ANK1: variants seen among roughly 807,000 people sequenced by gnomAD.
The protein encoded by ANK1 is ankyrin-1.
A neutral mutation model predicts 210.4 loss-of-function variants in ANK1; 51 were observed. That is an observed-to-expected ratio of 0.24 (90% CI 0.19 to 0.31). The LOEUF is 0.31. Ranked by LOEUF, ANK1 falls within the 10% of genes least tolerant of loss-of-function variation. ANK1 has a pLI of 1.00. For missense variants in ANK1, 2,051 were observed against 2,504.4 expected (o/e 0.82, Z 3.86); for synonymous variants, 967 against 1,025.9 (o/e 0.94, Z 1.10).
At chr8:41,800,377 C>T (rs1849673229), upstream of ANK1, among the ~76,000 whole-genome samples, 1 of 152,202 alleles carries the variant, frequency 6.6e-6, no homozygotes, top group African/African-American at 2.4e-5. Flanking sequence ...CTTAAGAAGA[C>T]ACGGTGCCAG....
intron 1 of ANK1, among the ~76,000 whole-genome samples, chr8:41,858,548 C>T (rs542821793): frequency 6.6e-6 from 1 of 152,288 alleles, no homozygotes; most frequent in Admixed American, 6.5e-5. Flanking sequence ...CGGGTGCAAA[C>T]AGTCAGTGCC....
chr8:41,738,376 A>C (rs1437489028), intron 2 of ANK1, among the ~76,000 whole-genome samples: 1 of 152,176 alleles, frequency 6.6e-6, no homozygotes, highest in African/African-American at 2.4e-5. Flanking sequence ...TACCTACCTA[A>C]GGGGTGGTGA....
chr8:41,718,077 C>T, intron 11 of ANK1, 29 bp downstream of exon 11: 13 of 1,607,506 alleles, frequency 8.1e-6, no homozygotes, highest in Non-Finnish European at 9.4e-6. Context: ...CACAGGCCTG[C>T]CCCCAGGCTC....
intron 10 of ANK1, among the ~76,000 whole-genome samples, chr8:41,718,731 TG>T (rs1276010737): frequency 1.3e-5 from 2 of 152,060 alleles, no homozygotes; most frequent in Non-Finnish European, 2.9e-5. Context: ...GAGGTGGTGG[TG>T]GGGGGGTATC....
intron 1 of ANK1, among the ~76,000 whole-genome samples, chr8:41,861,312 G>C (rs1407819056): frequency 1.3e-5 from 2 of 152,182 alleles, no homozygotes; most frequent in African/African-American, 4.8e-5. Flanking sequence ...GTGTTCTGTG[G>C]AAACGAGTTC....
chr8:41,798,035 TTTTTG>T (rs1296468597), upstream of ANK1, among the ~76,000 whole-genome samples: 3 of 151,738 alleles, frequency 2.0e-5, no homozygotes, highest in African/African-American at 4.8e-5. Context: ...CCTTTCCTGG[TTTTTG>T]TTTTGTTTTG....
At position 41,727,237 on chromosome 8, in the gene ANK1, C is replaced by T. The variant is rs777013343; in HGVS notation, c.426+13G>A. ...GACTTCTGGTGGTGACGACATTTTT[C>T]CAAGGTACTTACTTCTGTGGCTACA... On this transcript the variant is annotated intron_variant, in intron 5 of 42. Transcript: ENST00000289734. The T allele has an allele frequency of 1.9e-6, 3 of 1,610,030 alleles. No individual in the cohort carries two copies. The highest frequency in any genetic ancestry group is 2.6e-6 in the Non-Finnish European group (3 of 1,176,268).
At chr8:41,703,452 T>TATATATA (rs57245303) in intron 20 of ANK1, among the ~76,000 whole-genome samples, 8 of 28,760 alleles carry the variant, frequency 2.8e-4, no homozygotes, top group East Asian at 7.2e-4. Context: ...ATATATATAT[T>TATATATA]TTTTTTTTTT....
At chr8:41,785,892 G>T (rs1846255201) in intron 1 of ANK1, among the ~76,000 whole-genome samples, 1 of 152,136 alleles carries the variant, frequency 6.6e-6, no homozygotes, top group South Asian at 2.1e-4. Context: ...CCGAGGGTCC[G>T]AGCTGACCTC....
chr8:41,737,804 T>C (rs1833804250), intron 2 of ANK1, among the ~76,000 whole-genome samples: 1 of 152,152 alleles, frequency 6.6e-6, no homozygotes, highest in South Asian at 2.1e-4. Context: ...ATGCAATGCC[T>C]GTAAAAAACA....
chr8:41,780,301 T>C (rs1441985554), intron 1 of ANK1, among the ~76,000 whole-genome samples: 2 of 152,234 alleles, frequency 1.3e-5, no homozygotes, highest in African/African-American at 4.8e-5. Flanking sequence ...CTAGGATTAC[T>C]GGCACAAGAC....
chr8:41,726,023 C>G, intron 5 of ANK1, 77 bp from the exon 6 acceptor site: 1 of 1,523,048 alleles, frequency 6.6e-7, no homozygotes, highest in Admixed American at 1.8e-5. Flanking sequence ...ACCCTTGCCC[C>G]TCGGGCTTAT....
intron 1 of ANK1, chr8:41,828,129 G>C (rs1805839236): frequency 6.6e-6 from 1 of 152,252 alleles, no homozygotes; most frequent in Non-Finnish European, 1.5e-5. Context: ...CTGGGCACCA[G>C]GTTGGAATCA....
rs140960106 is a variant in ANK1 at position 41,802,870 on chromosome 8, G to A, written c.127-44733C>T. On this transcript the variant is annotated intron_variant, in intron 1 of 42. Coordinates refer to the ANK1 transcript ENST00000265709. ...TGAGGCCGCAGTGAGCGATGATCATGCCACGGCACTCCAGCCTGGGTAATG... is the reference window on the plus strand; with the variant it reads ...TGAGGCCGCAGTGAGCGATGATCATACCACGGCACTCCAGCCTGGGTAATG... Among the ~76,000 whole-genome samples the A allele has an allele frequency of 3.0e-4, 42 of 138,128 alleles. No homozygotes were observed. The East Asian group carries it at 9.2e-3, about 30-fold the overall frequency. The allele number at this position is 138,128 out of a possible 152,430, so 90.6% of individuals were successfully genotyped here. A position where few individuals can be genotyped will look rare whatever the true frequency, so the allele number is the denominator to read the frequency against.
At chr8:41,841,072 A>G (rs2150804861) in intron 1 of ANK1, among the ~76,000 whole-genome samples, 1 of 152,276 alleles carries the variant, frequency 6.6e-6, no homozygotes, top group Admixed American at 6.5e-5. Context: ...AAGAACAAAA[A>G]TCAGAATTTC....
At chr8:41,753,313 A>T (rs1838255762) in intron 2 of ANK1, among the ~76,000 whole-genome samples, 1 of 151,882 alleles carries the variant, frequency 6.6e-6, no homozygotes, top group African/African-American at 2.4e-5. Context: ...TGATCTGCCC[A>T]CCTCGGCCTC....
chr8:41,750,877 T>C (rs540359092), intron 2 of ANK1, among the ~76,000 whole-genome samples: 13 of 152,310 alleles, frequency 8.5e-5, no homozygotes, highest in African/African-American at 3.1e-4. Context: ...AATTATCTCC[T>C]GGAGTCTCAA....
chr8:41,858,491 G>T (rs1418176481), intron 1 of ANK1, among the ~76,000 whole-genome samples: 4 of 152,240 alleles, frequency 2.6e-5, no homozygotes, highest in Non-Finnish European at 5.9e-5. Context: ...CCCAAGCTGG[G>T]TGTCCACTGG....
At position 41,668,711 on chromosome 8, in the gene ANK1, G is replaced by T. The variant is rs10481313; in HGVS notation, c.5097-147C>A. 0.17 allele frequency: 154,825 copies of T among 906,588 alleles called. 14,578 individuals are homozygous for T. The highest frequency in any genetic ancestry group is 0.28 in the Middle Eastern group (801 of 2,886). The allele number at this position is 906,588 out of a possible 1,614,324, so 56.2% of individuals were successfully genotyped here. A position where few individuals can be genotyped will look rare whatever the true frequency, so the allele number is the denominator to read the frequency against. On this transcript the variant is annotated intron_variant, in intron 38 of 42. Coordinates refer to ENST00000289734, the MANE Select transcript of ANK1 (RefSeq NM_000037.4). ...AGACCGTCCTCCCATCCCTCCAAAG[G>T]TCAGGGGCGCATGAGCACATTGCTC...
Sources: gnomAD v4.1 joint callset for allele counts (sites outside exome capture counted in the v4.1 genomes callset) on GRCh38, gnomAD v4.1.1 for gene constraint, MANE v1.5 for transcripts, NCBI Gene and HGNC (gene_info 2026-07-23, HGNC 2026-07-21) for gene names.